Variants in MPPE1 observed in about 807,000 individuals in gnomAD.
The protein encoded by MPPE1 is metallophosphoesterase 1.
Under a neutral mutation model 43.8 loss-of-function variants are expected in MPPE1, and 28 were observed. That is an observed-to-expected ratio of 0.64 (90% confidence interval 0.47 to 0.88). The LOEUF (loss-of-function observed/expected upper bound fraction) is 0.88, where lower values mean the gene tolerates loss of function less well. Among genes scored for constraint, MPPE1 ranks in the 40% least tolerant of loss-of-function variants. MPPE1 has a pLI of 0.00. For synonymous variants in MPPE1, 159 were observed against 188.5 expected (o/e 0.84, Z 1.28); for missense variants, 428 against 492.2 (o/e 0.87, Z 1.23).
intron 2 of MPPE1, among the ~76,000 whole-genome samples, chr18:11,901,603 G>A (rs541777178): frequency 7.2e-5 from 11 of 152,024 alleles, no homozygotes; most frequent in African/African-American, 1.7e-4. Flanking sequence ...CACTTTGGGA[G>A]GCCAAGGCAG....
At chr18:11,887,270 C>G (rs577281329) in intron 6 of MPPE1, among the ~76,000 whole-genome samples, 2 of 152,282 alleles carry the variant, frequency 1.3e-5, no homozygotes, top group Middle Eastern at 3.4e-3. Flanking sequence ...TGAGAAATCC[C>G]AGATTACAGA....
At chr18:11,895,958 C>T (rs779799589) in intron 3 of MPPE1, among the ~76,000 whole-genome samples, 1 of 152,038 alleles carries the variant, frequency 6.6e-6, no homozygotes. Context: ...TTGGCGAGAC[C>T]AGACATCAAT....
chr18:11,900,640 G>A (rs2039049281), intron 2 of MPPE1, among the ~76,000 whole-genome samples: 1 of 152,076 alleles, frequency 6.6e-6, no homozygotes, highest in Non-Finnish European at 1.5e-5. Flanking sequence ...AGGCACAGTG[G>A]CTCACACCTG....
At chr18:11,884,964 TTCCAGG>T (rs1269744422) in intron 10 of MPPE1, 1 of 1,302,742 alleles carries the variant, frequency 7.7e-7, no homozygotes. Context: ...CACCGTGGAG[TTCCAGG>T]GTCATCGGTC....
At chr18:11,906,508 C>T (rs2039724342) in intron 1 of MPPE1, among the ~76,000 whole-genome samples, 199 bp from the exon 2 acceptor site, 1 of 152,122 alleles carries the variant, frequency 6.6e-6, no homozygotes, top group Non-Finnish European at 1.5e-5. Context: ...TTATATAAAA[C>T]ATTTCTGCCC....
intron 10 of MPPE1, chr18:11,884,989 A>C: frequency 7.7e-7 from 1 of 1,301,946 alleles, no homozygotes; most frequent in Non-Finnish European, 1.0e-6. Flanking sequence ...TCAGCGAGGA[A>C]CAAGGAGGGA....
Position 11,888,684 on chromosome 18 carries a change from GA to G in MPPE1, c.553del (p.Ser185LeufsTer8), listed in dbSNP as rs1479967344. ...EKVFSSERLF[S>X]WKGINFVMVN... is the part of the protein sequence containing the mutation. ...TAATACTCACTTAATGCCTTTCCAA[GA>G]AAACAGTCTTTCAGAGCTGAACACT... is the stretch of plus-strand genomic sequence containing the variant. On this transcript the variant is annotated frameshift_variant, in exon 6 of 11. Coordinates refer to ENST00000588072, the MANE Select transcript of MPPE1 (RefSeq NM_023075.6). LOFTEE classifies it high-confidence loss of function. 3.8e-6 allele frequency: 6 copies of G among 1,599,846 alleles called. No homozygotes were observed. In the African/African-American group the frequency reaches 6.7e-5, roughly 18 times the overall value.
At chr18:11,896,868 T>C in intron 3 of MPPE1, 116 bp downstream of exon 3, 1 of 941,902 alleles carries the variant, frequency 1.1e-6, no homozygotes, top group South Asian at 1.8e-5. Flanking sequence ...CTAAATGTCC[T>C]CCTTTGAGAG....
intron 3 of MPPE1, among the ~76,000 whole-genome samples, chr18:11,894,791 T>C (rs1442725216): frequency 6.6e-6 from 1 of 152,078 alleles, no homozygotes; most frequent in Non-Finnish European, 1.5e-5. Flanking sequence ...GGTTTCTCCA[T>C]GTTGGTCAGG....
At chr18:11,887,131 C>A in intron 6 of MPPE1, 106 bp from the exon 7 acceptor site, 1 of 732,024 alleles carries the variant, frequency 1.4e-6, no homozygotes, top group Non-Finnish European at 2.2e-6. Context: ...AAGAAACAAG[C>A]CCAGAGCAGC....
intron 2 of MPPE1, among the ~76,000 whole-genome samples, chr18:11,901,869 C>A (rs1382316609): frequency 6.6e-6 from 1 of 152,080 alleles, no homozygotes; most frequent in Non-Finnish European, 1.5e-5. Context: ...GAACGGCAAA[C>A]AAATACTGGA....
intron 4 of MPPE1, among the ~76,000 whole-genome samples, chr18:11,892,491 G>T (rs1338430610): frequency 6.6e-6 from 1 of 151,958 alleles, no homozygotes; most frequent in Non-Finnish European, 1.5e-5. Context: ...CCAACATGGA[G>T]AAACCCTGTC....
chr18:11,894,634 A>C (rs2038391073), intron 3 of MPPE1, among the ~76,000 whole-genome samples: 1 of 152,118 alleles, frequency 6.6e-6, no homozygotes, highest in Non-Finnish European at 1.5e-5. Flanking sequence ...CTTGTTGCCC[A>C]GGCTGGAGTA....
chr18:11,901,311 A>T (rs964978824), intron 2 of MPPE1, among the ~76,000 whole-genome samples: 7 of 151,846 alleles, frequency 4.6e-5, no homozygotes, highest in African/African-American at 1.7e-4. Context: ...GCTCACTACA[A>T]CCTCCACCTC....
intron 2 of MPPE1, chr18:11,897,706 A>C (rs1239458246): frequency 6.4e-6 from 1 of 155,330 alleles, no homozygotes; most frequent in Non-Finnish European, 1.4e-5. Flanking sequence ...ATTTAAGTGT[A>C]ATTTTGACTC....
intron 4 of MPPE1, chr18:11,893,184 A>G: frequency 2.9e-6 from 1 of 350,740 alleles, no homozygotes; most frequent in Admixed American, 4.5e-5. Flanking sequence ...GAGGTTCACA[A>G]AACAGTGTAT....
chr18:11,884,751 C>T, intron 10 of MPPE1, 124 bp from the exon 11 acceptor site: 1 of 1,316,142 alleles, frequency 7.6e-7, no homozygotes, highest in South Asian at 1.5e-5. Flanking sequence ...GGAACGGGCC[C>T]TCCTCACCTG....
intron 3 of MPPE1, among the ~76,000 whole-genome samples, chr18:11,894,149 C>CTGGG (rs1447671868): frequency 1.3e-5 from 2 of 152,210 alleles, no homozygotes; most frequent in Admixed American, 1.3e-4. Flanking sequence ...AGCCTGGAGG[C>CTGGG]TGGGTATGGT....
At chr18:11,890,227 C>A (rs1037285578) in intron 4 of MPPE1, among the ~76,000 whole-genome samples, 1 of 151,698 alleles carries the variant, frequency 6.6e-6, no homozygotes, top group Non-Finnish European at 1.5e-5. Flanking sequence ...CAGGCGTGAG[C>A]CACCACACTT....
Sources: gnomAD v4.1 joint callset for allele counts (sites outside exome capture counted in the v4.1 genomes callset) on GRCh38, gnomAD v4.1.1 for gene constraint, MANE v1.5 for transcripts, NCBI Gene and HGNC (gene_info 2026-07-23, HGNC 2026-07-21) for gene names.